Variants in SGCZ observed in about 807,000 individuals in gnomAD.
SGCZ encodes the protein zeta-sarcoglycan.
In SGCZ, 40 loss-of-function variants were observed where a neutral mutation model predicts 41.3. The ratio of observed to expected loss-of-function variants is 0.97; its 90% CI spans 0.75 to 1.26. The LOEUF is 1.26. Ranked by LOEUF, SGCZ falls within the 50% of genes most tolerant of loss-of-function variation. The probability of loss-of-function intolerance (pLI) is 0.00; values close to 1 mark genes in which losing one functional copy is unlikely to be tolerated. For missense variants in SGCZ, 552 were observed against 369.8 expected (o/e 1.49, Z -4.04); for synonymous variants, 206 against 137.5 (o/e 1.50, Z -3.49).
chr8:14,948,928 A>G (rs182195577), intron 1 of SGCZ, among the ~76,000 whole-genome samples: 66 of 151,076 alleles, frequency 4.4e-4, no homozygotes, highest in Non-Finnish European at 6.6e-4. Flanking sequence ...GGATTTCTCC[A>G]CTTTTTTTTC....
In SGCZ at chr8:14,901,798, G is replaced by A. The variant is rs545479847; in HGVS notation, c.39+335787C>T. 6.9e-4 allele frequency among the ~76,000 whole-genome samples: 105 copies of A among 152,170 alleles called. 1 individual carries two copies. The highest frequency in any genetic ancestry group is 2.4e-3 in the African/African-American group (98 of 41,530). On this transcript the variant is annotated intron_variant, in intron 1 of 7. Transcript: ENST00000382080. ...CTATACCAAGAAAATATCTATTTTT[G>A]TATGTTTCATGTGCAGGAAATGTCA...
At chr8:14,199,835 A>G (rs945350371) in intron 4 of SGCZ, among the ~76,000 whole-genome samples, 1 of 152,206 alleles carries the variant, frequency 6.6e-6, no homozygotes, top group East Asian at 1.9e-4. Context: ...GACAATGAAA[A>G]AAATGGATTT....
chr8:15,037,948 G>A (rs1259270845), intron 1 of SGCZ, among the ~76,000 whole-genome samples: 1 of 152,000 alleles, frequency 6.6e-6, no homozygotes, highest in East Asian at 1.9e-4. Flanking sequence ...AAACATTGAT[G>A]AAAGAAATTA....
intron 1 of SGCZ, among the ~76,000 whole-genome samples, chr8:14,838,043 C>T (rs773656029): frequency 2.0e-5 from 3 of 152,020 alleles, no homozygotes; most frequent in Non-Finnish European, 2.9e-5. Flanking sequence ...TTTGCCACGA[C>T]GTGGACAGAA....
At chr8:14,675,950 T>C (rs926847061) in intron 1 of SGCZ, among the ~76,000 whole-genome samples, 1 of 152,064 alleles carries the variant, frequency 6.6e-6, no homozygotes, top group African/African-American at 2.4e-5. Flanking sequence ...GAATAGCAGA[T>C]AGATGGAAGG....
chr8:15,166,194 T>A (rs961173582), intron 1 of SGCZ, among the ~76,000 whole-genome samples: 13 of 152,054 alleles, frequency 8.5e-5, no homozygotes, highest in African/African-American at 2.9e-4. Context: ...TTATTTGACA[T>A]GTTCAGGTAC....
At chr8:14,546,476 T>C (rs1043448328) in intron 2 of SGCZ, among the ~76,000 whole-genome samples, 13 of 152,198 alleles carry the variant, frequency 8.5e-5, no homozygotes. Flanking sequence ...TCATTGTTTC[T>C]TTTATAAAGG....
At chr8:14,210,554 C>T (rs1338538714) in intron 4 of SGCZ, among the ~76,000 whole-genome samples, 1 of 151,808 alleles carries the variant, frequency 6.6e-6, no homozygotes, top group Non-Finnish European at 1.5e-5. Flanking sequence ...CCCCTGTCTC[C>T]CAGGTTCAAG....
intron 5 of SGCZ, among the ~76,000 whole-genome samples, chr8:14,131,767 G>A (rs185620011): frequency 2.9e-4 from 44 of 152,182 alleles, no homozygotes; most frequent in African/African-American, 9.9e-4. Context: ...ATATGACAGC[G>A]ATCCCTTAAT....
At chr8:14,694,298 A>T (rs557644969) in intron 1 of SGCZ, among the ~76,000 whole-genome samples, 22 of 152,322 alleles carry the variant, frequency 1.4e-4, no homozygotes, top group African/African-American at 5.3e-4. Flanking sequence ...GTATTCTTAC[A>T]AAAGTGCTCT....
intron 1 of SGCZ, among the ~76,000 whole-genome samples, chr8:14,975,809 A>ATATATATATGTGTGTGTG (rs1181919961): frequency 8.3e-5 from 11 of 131,920 alleles, no homozygotes; most frequent in African/African-American, 3.7e-4. Flanking sequence ...ATATATATAT[A>ATATATATATGTGTGTGTG]TGTGTGTGTG....
intron 1 of SGCZ, among the ~76,000 whole-genome samples, chr8:14,667,233 C>A (rs984534570): frequency 1.3e-5 from 2 of 152,124 alleles, no homozygotes; most frequent in African/African-American, 4.8e-5. Context: ...AAACTAATTT[C>A]TCAGGATTAT....
intron 3 of SGCZ, among the ~76,000 whole-genome samples, chr8:14,238,826 T>C (rs972056911): frequency 1.9e-4 from 29 of 152,224 alleles, no homozygotes; most frequent in Admixed American, 3.9e-4. Context: ...TGAAATACTA[T>C]GAAAATCTCC....
chr8:14,996,750 G>A (rs1046148350), intron 1 of SGCZ, among the ~76,000 whole-genome samples: 3 of 152,140 alleles, frequency 2.0e-5, no homozygotes, highest in Admixed American at 6.5e-5. Flanking sequence ...TTGGTTGTCC[G>A]TGGCCACAGC....
At chr8:14,476,445 A>AAT (rs1400242382) in intron 2 of SGCZ, among the ~76,000 whole-genome samples, 9 of 151,934 alleles carry the variant, frequency 5.9e-5, no homozygotes, top group African/African-American at 9.7e-5. Flanking sequence ...AACCCTGAAT[A>AAT]ATATATATAT....
intron 5 of SGCZ, among the ~76,000 whole-genome samples, chr8:14,145,357 T>G (rs1803489463): frequency 6.6e-6 from 1 of 152,156 alleles, no homozygotes; most frequent in Non-Finnish European, 1.5e-5. Context: ...CCCCTATGAC[T>G]ATGCAGGAAC....
At chr8:15,042,589 T>C (rs17120768) in intron 1 of SGCZ, among the ~76,000 whole-genome samples, 3,875 of 152,288 alleles carry the variant, frequency 0.025, 140 homozygotes, top group African/African-American at 0.088. Context: ...AGATTATTAC[T>C]TGATATGGGT....
chr8:14,955,859 C>A (rs1304589309), intron 1 of SGCZ, among the ~76,000 whole-genome samples: 2 of 152,020 alleles, frequency 1.3e-5, no homozygotes, highest in Non-Finnish European at 2.9e-5. Flanking sequence ...TGTCTTCTCA[C>A]TTCTTATGGT....
At chr8:15,198,785 T>C (rs1359280261) in intron 1 of SGCZ, among the ~76,000 whole-genome samples, 1 of 152,180 alleles carries the variant, frequency 6.6e-6, no homozygotes, top group Admixed American at 6.5e-5. Flanking sequence ...ACTAGCTCAA[T>C]GTCGCACAGC....
Sources: allele counts gnomAD v4.1 joint callset (sites outside exome capture counted in the v4.1 genomes callset), GRCh38; gene constraint gnomAD v4.1.1; transcripts MANE v1.5; gene names NCBI Gene and HGNC (gene_info 2026-07-23, HGNC 2026-07-21).